The following RFC1 variants were observed in gnomAD, a reference collection of about 807,000 sequenced individuals.
RFC1 encodes replication factor C subunit 1.
RFC1 carries 37 observed loss-of-function variants against 137.4 expected under a neutral mutation model. That is an observed-to-expected ratio of 0.27 (90% CI 0.21 to 0.35). The LOEUF (loss-of-function observed/expected upper bound fraction) is 0.35, where lower values mean the gene tolerates loss of function less well. RFC1 is among the 10% of genes least tolerant of loss of function. The pLI is 1.00. For synonymous variants in RFC1, 429 were observed against 455.7 expected, an observed-to-expected ratio of 0.94 and a Z score of 0.75; for missense variants, 1,205 against 1,358.5, an observed-to-expected ratio of 0.89 and a Z score of 1.78.
At chr4:39,334,933 T>C (rs993173988) in intron 4 of RFC1, among the ~76,000 whole-genome samples, 15 of 152,060 alleles carry the variant, frequency 9.9e-5, no homozygotes, top group Admixed American at 7.2e-4. Context: ...TTTAGAAGAA[T>C]AACAAAAGAG....
chr4:39,318,887 T>A (rs1739379331), intron 9 of RFC1, among the ~76,000 whole-genome samples: 1 of 152,246 alleles, frequency 6.6e-6, no homozygotes, highest in Admixed American at 6.5e-5. Flanking sequence ...CTGCTTTTAA[T>A]CCTAAGTGCC....
intron 22 of RFC1, among the ~76,000 whole-genome samples, chr4:39,293,588 C>T (rs990500365): frequency 1.2e-4 from 19 of 152,130 alleles, no homozygotes; most frequent in Admixed American, 1.1e-3. Flanking sequence ...TCTTAATTTA[C>T]TTTAAAAATT....
chr4:39,302,841 G>A lies in RFC1; in HGVS notation c.2236C>T (p.Pro746Ser). 1 of 1,590,132 alleles carries A rather than the reference G, an allele frequency of 6.3e-7. No individual in the cohort carries two copies. Among genetic ancestry groups the A allele is most frequent in the Non-Finnish European group, 8.5e-7 (1 of 1,170,384 alleles). ...CTATCATTGCACATACAAATAATGG[G>A]AATTTTAGTATGTTTTATCAGGCCA... ...LIGLIKHTKI[P>S]IICMCNDRNH... Residue 746 changes from proline to serine, a missense_variant, in exon 17 of 25, where the codon CCC becomes TCC. Pro to Ser is a moderately conservative substitution (Grantham distance 74, BLOSUM62 -1). Coordinates refer to ENST00000349703, the MANE Select transcript of RFC1 (RefSeq NM_002913.5).
chr4:39,360,616 T>C (rs1472464568), intron 1 of RFC1, among the ~76,000 whole-genome samples: 2 of 152,002 alleles, frequency 1.3e-5, no homozygotes, highest in Admixed American at 1.3e-4. Context: ...GCACCTGCAG[T>C]CCCAGCTACT....
In RFC1 at chr4:39,295,142, A is replaced by G. The variant is rs17288694; in HGVS notation, c.2954+472T>C. Among the ~76,000 whole-genome samples, 1,269 of 152,352 alleles carry G rather than the reference A, an allele frequency of 8.3e-3. 17 individuals are homozygous for G. Among genetic ancestry groups the G allele is most frequent in the African/African-American group, 0.029 (1,187 of 41,580 alleles). On this transcript the variant is annotated intron_variant, in intron 22 of 24. Coordinates refer to ENST00000349703, the MANE Select transcript of RFC1 (RefSeq NM_002913.5). ...ACTTTTCCAAGCACATTCATTTTCAATGATCTGAGCAGCCTCCTCCTGTTA... is the reference window on the plus strand; with the variant it reads ...ACTTTTCCAAGCACATTCATTTTCAGTGATCTGAGCAGCCTCCTCCTGTTA...
chr4:39,303,249 T>G (rs1738461326), intron 15 of RFC1, 98 bp from the exon 16 acceptor site: 1 of 775,770 alleles, frequency 1.3e-6, no homozygotes, highest in Admixed American at 1.9e-5. Context: ...GATATTAAAC[T>G]TCAAAAGCTA....
At chr4:39,288,953 AAG>A (rs956445770) in intron 24 of RFC1, 109 bp from the exon 25 acceptor site, 1 of 768,978 alleles carries the variant, frequency 1.3e-6, no homozygotes, top group East Asian at 2.5e-5. Flanking sequence ...ATTAAAAAAG[AAG>A]AGAGGCTGCA....
intron 22 of RFC1, among the ~76,000 whole-genome samples, chr4:39,293,168 C>T (rs955273059): frequency 7.2e-5 from 11 of 152,254 alleles, no homozygotes; most frequent in African/African-American, 2.4e-4. Context: ...TAATTTCATC[C>T]ATTTCCTCTA....
Position 39,300,115 on chromosome 4 carries a change from A to G in RFC1, c.2714T>C (p.Met905Thr). ...AAGGDMKKHL[M>T]LLSRAADSIC... ...GCTGTCTGCTGCTCTGCTTAAAAGC[A>G]TCAGGTGCTTTTTCATGTCACCCCT... The change falls in exon 21 of 25, where the codon ATG (methionine) becomes ACG (threonine). Residue 905 changes from methionine to threonine, a missense_variant. Coordinates refer to ENST00000349703, the MANE Select transcript of RFC1 (RefSeq NM_002913.5). 1 of 1,614,070 alleles carries G rather than the reference A, an allele frequency of 6.2e-7. No individual in the cohort carries two copies. Among genetic ancestry groups the G allele is most frequent in the Non-Finnish European group, 8.5e-7 (1 of 1,179,964 alleles).
rs9684483 is a variant in RFC1 at position 39,296,283 on chromosome 4, G to C, written c.2809-524C>G. Among the ~76,000 whole-genome samples the C allele has an allele frequency of 3.0e-3, 402 of 136,202 alleles. 3 individuals are homozygous for C. The highest frequency in any genetic ancestry group is 9.9e-3 in the African/African-American group (358 of 36,306). The allele number at this position is 136,202 out of a possible 152,430, so 89.4% of individuals were successfully genotyped here. A position where few individuals can be genotyped will look rare whatever the true frequency, so the allele number is the denominator to read the frequency against. The stretch of plus-strand genomic sequence containing the variant: ...TTTTTTTATTATACTTTAAGTTTTA[G>C]GGTACATGTGCACATTGTGCAGGTT... On this transcript the variant is annotated intron_variant, in intron 21 of 24. Coordinates refer to ENST00000349703, the MANE Select transcript of RFC1 (RefSeq NM_002913.5).
At chr4:39,329,402 C>G (rs1340692111) in intron 4 of RFC1, among the ~76,000 whole-genome samples, 1 of 151,678 alleles carries the variant, frequency 6.6e-6, no homozygotes, top group Non-Finnish European at 1.5e-5. Flanking sequence ...CCAGCCTGGT[C>G]AACATGGTGA....
At chr4:39,337,884 T>C (rs1425202302) in intron 4 of RFC1, among the ~76,000 whole-genome samples, 1 of 152,140 alleles carries the variant, frequency 6.6e-6, no homozygotes, top group Non-Finnish European at 1.5e-5. Context: ...CCTCAAATAA[T>C]TTTAACTTCA....
rs1158006239 is a variant in RFC1, at chr4:39,345,491, A to T, written c.133-15T>A. The T allele has an allele frequency of 1.3e-6, 2 of 1,589,250 alleles. No homozygotes were observed. Among genetic ancestry groups the T allele is most frequent in the Admixed American group, 3.5e-5 (2 of 57,518 alleles). On this transcript the variant is annotated splice_polypyrimidine_tract_variant and intron_variant, in intron 2 of 24. Coordinates refer to ENST00000349703, the MANE Select transcript of RFC1 (RefSeq NM_002913.5). ...GAGCTATTTACCTATAAACATCACA[A>T]TATAATTAGAACATAAAGAAGCCTA...
intron 1 of RFC1, among the ~76,000 whole-genome samples, chr4:39,352,307 G>A (rs1741250063): frequency 6.6e-6 from 1 of 151,864 alleles, no homozygotes; most frequent in Non-Finnish European, 1.5e-5. Flanking sequence ...TCAACATCCT[G>A]AAGAAAAAAA....
chr4:39,319,551 C>T (rs1739410742), intron 9 of RFC1, among the ~76,000 whole-genome samples: 1 of 152,170 alleles, frequency 6.6e-6, no homozygotes. Context: ...TATATTAATA[C>T]TCCATATCCT....
chr4:39,344,739 C>T (rs1740764874), intron 3 of RFC1, among the ~76,000 whole-genome samples: 1 of 152,078 alleles, frequency 6.6e-6, no homozygotes. Context: ...GAGCCCAGAT[C>T]GCACCACTGC....
intron 1 of RFC1, among the ~76,000 whole-genome samples, chr4:39,353,225 A>G (rs921134110): frequency 6.6e-6 from 1 of 151,976 alleles, no homozygotes; most frequent in African/African-American, 2.4e-5. Context: ...ACATGGTGAA[A>G]TCCCATTTCT....
chr4:39,295,498 A>C (rs1260389173), intron 22 of RFC1, 116 bp downstream of exon 22: 1 of 780,392 alleles, frequency 1.3e-6, no homozygotes, highest in Admixed American at 3.1e-5. Flanking sequence ...TCATTCATCT[A>C]GTTACCAATA....
intron 1 of RFC1, among the ~76,000 whole-genome samples, chr4:39,353,288 T>C (rs946987074): frequency 6.7e-6 from 1 of 149,124 alleles, no homozygotes; most frequent in Non-Finnish European, 1.5e-5. Flanking sequence ...ATAATCCACC[T>C]GCTCTGAAGA....
Sources: allele counts gnomAD v4.1 joint callset (sites outside exome capture counted in the v4.1 genomes callset), GRCh38; gene constraint gnomAD v4.1.1; transcripts MANE v1.5; gene names NCBI Gene and HGNC (gene_info 2026-07-23, HGNC 2026-07-21).